The following GHR variants were observed in gnomAD, a reference collection of about 807,000 sequenced individuals.
GHR encodes growth hormone receptor, also known as GH receptor.
In GHR, 35 loss-of-function variants were observed where a neutral mutation model predicts 67.1. The ratio of observed to expected loss-of-function variants is 0.52; its 90% CI spans 0.40 to 0.69. The LOEUF (loss-of-function observed/expected upper bound fraction) is 0.69. Among genes scored for constraint, GHR ranks in the 30% least tolerant of loss-of-function variants. The probability of loss-of-function intolerance (pLI) is 0.00; values close to 1 mark genes in which losing one functional copy is unlikely to be tolerated. For synonymous variants in GHR, 272 were observed against 269.1 expected (o/e 1.01, Z -0.10); for missense variants, 792 against 764.6 (o/e 1.04, Z -0.42).
rs1324885404 is a variant in GHR at position 42,688,894 on chromosome 5, T to G, written c.141T>G (p.Ser47=). The G allele has an allele frequency of 1.2e-6, 2 of 1,613,920 alleles. No individual in the cohort carries two copies. The change falls in exon 4 of 10, where the codon TCT becomes TCG. Residue 47 remains serine (S), a synonymous_variant. Transcript: ENST00000230882. ...CCTTTTCTTTTTATTCTGCAGATTC[T>G]TCTAAGGAGCCTAAATTCACCAAGT... ...QSVNPGLKTN[S]SKEPKFTKCR... is the part of the protein sequence containing the mutation.
At chr5:42,570,502 G>A (rs1279456330) in intron 2 of GHR, among the ~76,000 whole-genome samples, 1 of 152,130 alleles carries the variant, frequency 6.6e-6, no homozygotes, top group South Asian at 2.1e-4. Context: ...ATTCAAGGAG[G>A]AATTTCATGT....
chr5:42,674,544 T>C (rs1756475844), intron 3 of GHR, among the ~76,000 whole-genome samples: 1 of 152,192 alleles, frequency 6.6e-6, no homozygotes, highest in Non-Finnish European at 1.5e-5. Flanking sequence ...ACCACTAATC[T>C]ACTTTTCTGT....
chr5:42,538,207 T>C (rs1748346229), intron 1 of GHR, among the ~76,000 whole-genome samples: 1 of 152,202 alleles, frequency 6.6e-6, no homozygotes, highest in Non-Finnish European at 1.5e-5. Context: ...TGCTGTTTGC[T>C]GCCTGTGTAC....
intron 6 of GHR, among the ~76,000 whole-genome samples, chr5:42,707,224 C>G (rs1326247618): frequency 6.6e-6 from 1 of 151,932 alleles, no homozygotes; most frequent in Non-Finnish European, 1.5e-5. Context: ...ATACCGCCCC[C>G]CCAAACACAT....
intron 2 of GHR, among the ~76,000 whole-genome samples, chr5:42,591,056 C>G (rs1485465064): frequency 6.6e-6 from 1 of 152,232 alleles, no homozygotes; most frequent in Non-Finnish European, 1.5e-5. Flanking sequence ...ATGTACACTT[C>G]TGCAATCAAA....
chr5:42,584,920 A>G (rs1047441125), intron 2 of GHR, among the ~76,000 whole-genome samples: 1 of 152,164 alleles, frequency 6.6e-6, no homozygotes, highest in Non-Finnish European at 1.5e-5. Context: ...CATTCTCTGC[A>G]TGACTGGTAA....
chr5:42,637,971 G>A (rs770611772), intron 3 of GHR, among the ~76,000 whole-genome samples: 2 of 152,138 alleles, frequency 1.3e-5, no homozygotes, highest in African/African-American at 4.8e-5. Context: ...ACGGAGTCTC[G>A]CTTTGTCGCC....
intron 1 of GHR, among the ~76,000 whole-genome samples, chr5:42,481,363 G>T (rs892659782): frequency 1.4e-4 from 22 of 152,130 alleles, no homozygotes; most frequent in Non-Finnish European, 2.6e-4. Context: ...CCAATTATGT[G>T]TCTTGGAGTT....
chr5:42,516,108 G>T (rs1012168922), intron 1 of GHR, among the ~76,000 whole-genome samples: 1 of 151,972 alleles, frequency 6.6e-6, no homozygotes, highest in Admixed American at 6.6e-5. Context: ...TCTCTAATTG[G>T]CATTTGCTCC....
rs1758949875 is a variant in GHR, at chr5:42,720,166, A to G, written c.*742A>G. Reference sequence around the variant, plus strand: ...CTCCCCAGACTCCTTCAACAATTCTAAAATGATTGTAGTAATCTGCATTAT... The same window carrying G: ...CTCCCCAGACTCCTTCAACAATTCTGAAATGATTGTAGTAATCTGCATTAT... On this transcript the variant is annotated 3_prime_UTR_variant, in exon 10 of 10. Coordinates refer to ENST00000230882, the MANE Select transcript of GHR (RefSeq NM_000163.5). 1 of 152,360 alleles carries G rather than the reference A, an allele frequency of 6.6e-6. No homozygotes were observed. Among genetic ancestry groups the G allele is most frequent in the African/African-American group, 2.4e-5 (1 of 41,462 alleles). The allele number at this position is 152,360 out of a possible 1,614,324, so 9.4% of individuals were successfully genotyped here.
intron 1 of GHR, among the ~76,000 whole-genome samples, chr5:42,534,660 C>T (rs1250876878): frequency 6.6e-6 from 1 of 151,904 alleles, no homozygotes; most frequent in African/African-American, 2.4e-5. Context: ...GACTTCTTTC[C>T]TCTGGGTAGA....
At chr5:42,576,048 A>AAATAAAG (rs1467900701) in intron 2 of GHR, among the ~76,000 whole-genome samples, 5 of 54,398 alleles carry the variant, frequency 9.2e-5, no homozygotes, top group African/African-American at 7.0e-4. Flanking sequence ...AATTAAAATA[A>AAATAAAG]TAAAATAAAA....
At chr5:42,682,453 AGG>A (rs1044372859) in intron 3 of GHR, among the ~76,000 whole-genome samples, 21 of 152,344 alleles carry the variant, frequency 1.4e-4, no homozygotes, top group Middle Eastern at 3.4e-3. Flanking sequence ...AGATTCTAAT[AGG>A]ATTTTTAGAC....
intron 2 of GHR, among the ~76,000 whole-genome samples, chr5:42,624,836 G>A (rs1467379776): frequency 1.3e-5 from 2 of 152,110 alleles, no homozygotes; most frequent in South Asian, 2.1e-4. Flanking sequence ...CTGTGATGGT[G>A]GTGGGAATGG....
chr5:42,563,480 C>T (rs1251627694), intron 1 of GHR, among the ~76,000 whole-genome samples: 22 of 151,768 alleles, frequency 1.4e-4, no homozygotes, highest in Admixed American at 1.0e-3. Context: ...TAGCCGGGCG[C>T]GGTGGCGGGC....
At chr5:42,515,627 G>A (rs1035435656) in intron 1 of GHR, among the ~76,000 whole-genome samples, 6 of 152,152 alleles carry the variant, frequency 3.9e-5, no homozygotes, top group Admixed American at 6.5e-5. Flanking sequence ...TCTATAACCC[G>A]CTGAAAATCA....
chr5:42,573,224 C>G (rs1263058924), intron 2 of GHR, among the ~76,000 whole-genome samples: 1 of 152,158 alleles, frequency 6.6e-6, no homozygotes. Context: ...CACTGATGCT[C>G]TCATCTCCAG....
At chr5:42,703,383 C>T (rs1038178075) in intron 6 of GHR, among the ~76,000 whole-genome samples, 2 of 151,786 alleles carry the variant, frequency 1.3e-5, no homozygotes, top group African/African-American at 4.8e-5. Flanking sequence ...GATTTATTTC[C>T]GAACACTTTA....
rs374820754 is a variant in GHR, at chr5:42,613,681, A to T, written c.71-15357A>T. Among the ~76,000 whole-genome samples the T allele has an allele frequency of 4.6e-5, 7 of 152,248 alleles. 1 individual carries two copies. The highest frequency in any genetic ancestry group is 1.7e-4 in the African/African-American group (7 of 41,558). On this transcript the variant is annotated intron_variant, in intron 2 of 9. Transcript: ENST00000230882. ...TAGAAACAGATAAATGAATGAGTGA[A>T]TGGCATACCTAAATGGCATGAAATG...
Sources: allele counts gnomAD v4.1 joint callset (sites outside exome capture counted in the v4.1 genomes callset), GRCh38; gene constraint gnomAD v4.1.1; transcripts MANE v1.5; gene names NCBI Gene and HGNC (gene_info 2026-07-23, HGNC 2026-07-21).